Variants in DISP2 observed in about 807,000 individuals in gnomAD.
DISP2 encodes dispatched RND transporter family member 2, also known as protein dispatched homolog 2.
A neutral mutation model predicts 95.5 loss-of-function variants in DISP2; 59 were observed. The observed-to-expected ratio is 0.62, with a 90% CI of 0.50 to 0.77. The LOEUF (loss-of-function observed/expected upper bound fraction) is 0.77, where lower values mean the gene tolerates loss of function less well. Among genes scored for constraint, DISP2 ranks in the 30% least tolerant of loss-of-function variants. DISP2 has a pLI of 0.00. For synonymous variants in DISP2, 827 were observed against 815.0 expected (o/e 1.01, Z -0.25); for missense variants, 1,752 against 1,854.6 (o/e 0.94, Z 1.02).
rs1566918885 is a variant in DISP2, at chr15:40,372,591, T to G, written c.*2273T>G. 1 of 152,226 alleles carries G rather than the reference T, an allele frequency of 6.6e-6. No individual in the cohort carries two copies. The highest frequency in any genetic ancestry group is 1.9e-4 in the East Asian group (1 of 5,198). The allele number at this position is 152,226 out of a possible 1,614,324, so 9.4% of individuals were successfully genotyped here. A position where few individuals can be genotyped will look rare whatever the true frequency, so the allele number is the denominator to read the frequency against. On this transcript the variant is annotated 3_prime_UTR_variant, in exon 8 of 8. Coordinates refer to ENST00000267889, the MANE Select transcript of DISP2 (RefSeq NM_033510.3). ...AATTTGAACCTGTCCCCAGGGGGTC[T>G]GCTGGGACCTCTCTCTTCATGTCCA... is the stretch of plus-strand genomic sequence containing the variant.
Position 40,373,659 on chromosome 15 carries a change from G to A in DISP2, c.*3341G>A, listed in dbSNP as rs58640104. On this transcript the variant is annotated 3_prime_UTR_variant, in exon 8 of 8. Transcript: ENST00000267889. ...GCAGAGGTTGAAGTGAGCCGAGATC[G>A]TGCCACTGCACTCCAGCCTGGATGA... The A allele has an allele frequency of 0.12, 17,530 of 151,810 alleles. 1,981 individuals carry two copies. The highest frequency in any genetic ancestry group is 0.56 in the East Asian group (2,877 of 5,148). 9.4% of individuals were successfully genotyped at this position (151,810 alleles called of 1,614,324 possible).
chr15:40,358,429 C>T lies in DISP2; in HGVS notation c.108C>T (p.Gly36=). 1 of 1,321,394 alleles carries T rather than the reference C, an allele frequency of 7.6e-7. No individual in the cohort carries two copies. The highest frequency in any genetic ancestry group is 9.7e-7 in the Non-Finnish European group (1 of 1,035,546). The allele number at this position is 1,321,394 out of a possible 1,614,324, so 81.9% of individuals were successfully genotyped here. A position where few individuals can be genotyped will look rare whatever the true frequency, so the allele number is the denominator to read the frequency against. The change falls in exon 1 of 8, where the codon GGC becomes GGT. Residue 36 remains glycine (G), a synonymous_variant. Transcript: ENST00000267889. ...GGGAGCCCTTGGCCCCAGACGGCGG[C>T]TCCCCGGACAGGTAGGGCGGACAGC... ...PEGEPLAPDG[G]SPDSTQTKAV...
chr15:40,364,216 T>C lies in DISP2; in HGVS notation c.450-10T>C. ...TCTGGCAAGCAAGCATCTTTTCTTC[T>C]CTTCCACAGGCAGGAACGAGCCTTC... is the stretch of plus-strand genomic sequence containing the variant. On this transcript the variant is annotated splice_polypyrimidine_tract_variant and intron_variant, in intron 2 of 7. Coordinates refer to ENST00000267889, the MANE Select transcript of DISP2 (RefSeq NM_033510.3). The C allele has an allele frequency of 2.5e-6, 4 of 1,613,972 alleles. No individual in the cohort carries two copies. The highest frequency in any genetic ancestry group is 3.4e-6 in the Non-Finnish European group (4 of 1,180,006).
At position 40,367,898 on chromosome 15, in the gene DISP2, T is replaced by C. The variant is rs1391969391; in HGVS notation, c.1786T>C (p.Ser596Pro). ...CCACTTCGGCTACCTGCTGCTGGTCTCCGGCCTCACCACGAGCGCGGCCTT... is the reference window on the plus strand; with the variant it reads ...CCACTTCGGCTACCTGCTGCTGGTCCCCGGCCTCACCACGAGCGCGGCCTT... ...MHHFGYLLLV[S>P]GLTTSAAFYA... Residue 596 changes from serine (S) to proline (P), a missense_variant, in exon 8 of 8, where the codon TCC (serine) becomes CCC (proline). Around this residue, in one of 5 missense-constraint regions of DISP2, gnomAD observed 732 missense variants for 714.6 expected, o/e 1.02. Transcript: ENST00000267889. 1.3e-6 allele frequency: 2 copies of C among 1,598,288 alleles called. No individual in the cohort carries two copies. Among genetic ancestry groups the C allele is most frequent in the Non-Finnish European group, 1.7e-6 (2 of 1,179,356 alleles).
Position 40,368,690 on chromosome 15 carries a change from G to A in DISP2, c.2578G>A (p.Gly860Ser), listed in dbSNP as rs779995639. The A allele has an allele frequency of 9.9e-6, 16 of 1,612,450 alleles. No individual in the cohort carries two copies. In the East Asian group the frequency reaches 2.5e-4, roughly 25 times the overall value. ...CCGCCTGGGGCCTGACCTCTGCTGCGGCCACTCGGACTTCCCCTGGGCCCC... is the reference window on the plus strand; with the variant it reads ...CCGCCTGGGGCCTGACCTCTGCTGCAGCCACTCGGACTTCCCCTGGGCCCC... ...CARLGPDLCC[G>S]HSDFPWAPQF... The change falls in exon 8 of 8, where the codon GGC becomes AGC. Residue 860 changes from glycine to serine, a missense_variant. Physicochemically the swap from Gly to Ser is moderately conservative, Grantham distance 56 (BLOSUM62 0). Around this residue, in one of 5 missense-constraint regions of DISP2, gnomAD observed 317 missense variants for 394.9 expected, o/e 0.80. Coordinates refer to ENST00000267889, the MANE Select transcript of DISP2 (RefSeq NM_033510.3).
At chr15:40,358,786 G>A (rs1201539087) in intron 1 of DISP2, among the ~76,000 whole-genome samples, 2 of 152,166 alleles carry the variant, frequency 1.3e-5, no homozygotes, top group African/African-American at 2.4e-5. Context: ...CCCCAAGCCC[G>A]CAGTAACCTC....
At position 40,370,760 on chromosome 15, in the gene DISP2, C is replaced by T. The variant is rs1889631003; in HGVS notation, c.*442C>T. 1 of 426,032 alleles carries T rather than the reference C, an allele frequency of 2.3e-6. No individual in the cohort carries two copies. Among genetic ancestry groups the T allele is most frequent in the African/African-American group, 2.0e-5 (1 of 49,226 alleles). 26.4% of individuals were successfully genotyped at this position (426,032 alleles called of 1,614,324 possible). On this transcript the variant is annotated 3_prime_UTR_variant, in exon 8 of 8. Transcript: ENST00000267889. Reference sequence around the variant, plus strand: ...AGGAGCCCGCAGCAATCTCCACAGCCTCCTGGGTCTCACCCCTTTCATGGG... The same window carrying T: ...AGGAGCCCGCAGCAATCTCCACAGCTTCCTGGGTCTCACCCCTTTCATGGG...
chr15:40,359,695 T>C (rs1198893863), intron 1 of DISP2, among the ~76,000 whole-genome samples: 1 of 152,246 alleles, frequency 6.6e-6, no homozygotes, highest in African/African-American at 2.4e-5. Context: ...AGAAACTCCC[T>C]GGGGCCTCTG....
Position 40,364,810 on chromosome 15 carries a change from C to T in DISP2, c.604-28C>T, listed in dbSNP as rs200160916. 3.6e-5 allele frequency: 58 copies of T among 1,605,422 alleles called. No homozygotes were observed. In the Admixed American group the frequency reaches 9.8e-4, roughly 27 times the overall value. On this transcript the variant is annotated intron_variant, in intron 4 of 7. Coordinates refer to ENST00000267889, the MANE Select transcript of DISP2 (RefSeq NM_033510.3). ...AATGGAGAACTCCTACCCTGCCCAC[C>T]TGTTCTTCTCCACCCTCCTCCCTGC...
At chr15:40,365,108 C>A in intron 5 of DISP2, 39 bp from the exon 6 acceptor site, 4 of 1,606,426 alleles carry the variant, frequency 2.5e-6, no homozygotes, top group Non-Finnish European at 3.4e-6. Context: ...AGTCTTCCAA[C>A]CCTAATGGTG....
At chr15:40,364,169 C>G in intron 2 of DISP2, 57 bp from the exon 3 acceptor site, 1 of 1,607,608 alleles carries the variant, frequency 6.2e-7, no homozygotes, top group Non-Finnish European at 8.5e-7. Flanking sequence ...CCACCCCCAA[C>G]ACACGCCCTC....
Position 40,358,233 on chromosome 15 carries a change from CCCGCCGCCGCTGCCGCCGCCACCGCCG to C in DISP2, c.-78_-52del, listed in dbSNP as rs1438627330. On this transcript the variant is annotated 5_prime_UTR_variant, in exon 1 of 8. Transcript: ENST00000267889. Reference sequence around the variant, plus strand: ...AGAGCCTACGCATGCGCACGAGCACCCCGCCGCCGCTGCCGCCGCCACCGCCGCCGCCGCCGCCGCCGCCGCGGCTTC... The same window carrying C: ...AGAGCCTACGCATGCGCACGAGCACCCCGCCGCCGCCGCCGCCGCGGCTTC... 1.1e-4 allele frequency: 94 copies of C among 879,662 alleles called. 1 individual carries two copies. The highest frequency in any genetic ancestry group is 4.5e-4 in the Middle Eastern group (1 of 2,208). The allele number at this position is 879,662 out of a possible 1,614,324, so 54.5% of individuals were successfully genotyped here.
chr15:40,364,885 G>T lies in DISP2; in HGVS notation c.651G>T (p.Trp217Cys). 1 of 1,614,132 alleles carries T rather than the reference G, an allele frequency of 6.2e-7. No homozygotes were observed. The highest frequency in any genetic ancestry group is 1.1e-5 in the South Asian group (1 of 91,082). Residue 217 changes from tryptophan (W) to cysteine (C), a missense_variant, in exon 5 of 8, where the codon TGG becomes TGT. By Grantham distance (215) the Trp-to-Cys change is radical. This residue lies in a region of DISP2 where 342 missense variants were observed against 364.3 expected (regional missense o/e 0.94). Transcript: ENST00000267889. ...DTDIGSKLVV[W>C]RALQALTGPR... ...ACATTGGGAGCAAGTTAGTGGTCTGGAGAGCACTACAAGCCCTCACAGGCC... is the reference window on the plus strand; with the variant it reads ...ACATTGGGAGCAAGTTAGTGGTCTGTAGAGCACTACAAGCCCTCACAGGCC...
At position 40,367,192 on chromosome 15, in the gene DISP2, C is replaced by A; in HGVS notation, c.1080C>A (p.Asp360Glu). 1 of 1,614,022 alleles carries A rather than the reference C, an allele frequency of 6.2e-7. No individual in the cohort carries two copies. Among genetic ancestry groups the A allele is most frequent in the Non-Finnish European group, 8.5e-7 (1 of 1,180,004 alleles). ...CCTGCCTGGACACTACCCAAGCTGA[C>A]GCAGCCCGCACACTGGCCCTGCTTC... ...RSSCLDTTQADAARTLALLRT... is the reference protein window; with the variant it reads ...RSSCLDTTQAEAARTLALLRT... The change falls in exon 8 of 8, where the codon GAC (aspartate) becomes GAA (glutamate). Residue 360 changes from aspartate to glutamate, a missense_variant. Transcript: ENST00000267889.
chr15:40,368,550 T>C lies in DISP2; in HGVS notation c.2438T>C (p.Leu813Pro), dbSNP rs1378109120. 3.1e-6 allele frequency: 5 copies of C among 1,604,354 alleles called. No individual in the cohort carries two copies. The highest frequency in any genetic ancestry group is 4.2e-6 in the Non-Finnish European group (5 of 1,179,920). ...GGCCCTGAGGCCCAGCGCTGGCTGC[T>C]GGCACTCTGTCACCGGGCCCGGAAT... The part of the protein sequence containing the change: ...ASGPEAQRWL[L>P]ALCHRARNQS... The change falls in exon 8 of 8, where the codon CTG becomes CCG. Residue 813 changes from leucine to proline, a missense_variant. Transcript: ENST00000267889.
chr15:40,368,826 T>C lies in DISP2; in HGVS notation c.2714T>C (p.Leu905Pro). The change falls in exon 8 of 8, where the codon CTA becomes CCA. Residue 905 changes from leucine to proline, a missense_variant. Transcript: ENST00000267889. The part of the protein sequence containing the change: ...DAHGSLAALV[L>P]QFQTNFRNSP... ...CATGGCAGCCTGGCCGCCCTGGTCC[T>C]ACAATTCCAGACCAACTTCCGGAAC... 6.2e-7 allele frequency: 1 copy of C among 1,613,980 alleles called. No homozygotes were observed. The highest frequency in any genetic ancestry group is 8.5e-7 in the Non-Finnish European group (1 of 1,180,030).
rs1422193872 is a variant in DISP2 at position 40,372,445 on chromosome 15, A to T, written c.*2127A>T. The T allele has an allele frequency of 2.0e-5, 3 of 152,244 alleles. No individual in the cohort carries two copies. The highest frequency in any genetic ancestry group is 2.0e-4 in the Admixed American group (3 of 15,286). 9.4% of individuals were successfully genotyped at this position (152,244 alleles called of 1,614,324 possible). Reference sequence around the variant, plus strand: ...AGTGGAGCAGAAACCGAAAAGAGACATGGGAGTTGTGGAAGAGACAGAAGG... The same window carrying T: ...AGTGGAGCAGAAACCGAAAAGAGACTTGGGAGTTGTGGAAGAGACAGAAGG... On this transcript the variant is annotated 3_prime_UTR_variant, in exon 8 of 8. Coordinates refer to ENST00000267889, the MANE Select transcript of DISP2 (RefSeq NM_033510.3).
Position 40,370,016 on chromosome 15 carries a change from A to G in DISP2, c.3904A>G (p.Thr1302Ala). 1.2e-6 allele frequency: 2 copies of G among 1,613,954 alleles called. No homozygotes were observed. The highest frequency in any genetic ancestry group is 1.7e-6 in the Non-Finnish European group (2 of 1,179,996). The change falls in exon 8 of 8, where the codon ACC (threonine) becomes GCC (alanine). Residue 1302 changes from threonine (T) to alanine (A), a missense_variant. Transcript: ENST00000267889. The part of the protein sequence containing the change: ...LSVSDETCLS[T>A]SEPSARVPDS... ...CGTCTCTGATGAGACCTGCCTAAGC[A>G]CCTCTGAGCCCAGTGCCCGTGTACC...
chr15:40,368,306 C>T lies in DISP2; in HGVS notation c.2194C>T (p.Leu732=). Reference sequence around the variant, plus strand: ...CAGCCCCCGCCTGCGGCTGCCCACGCTGCCGCCGCCCGGCGGCCAGGTCTT... The same window carrying T: ...CAGCCCCCGCCTGCGGCTGCCCACGTTGCCGCCGCCCGGCGGCCAGGTCTT... ...GVSPRLRLPT[L]PPPGGQVFRP... The change falls in exon 8 of 8, where the codon CTG becomes TTG. Residue 732 remains leucine (L), a synonymous_variant. Transcript: ENST00000267889. The T allele has an allele frequency of 6.2e-7, 1 of 1,604,838 alleles. No individual in the cohort carries two copies. Among genetic ancestry groups the T allele is most frequent in the Non-Finnish European group, 8.5e-7 (1 of 1,176,984 alleles).
Sources: allele counts gnomAD v4.1 joint callset (sites outside exome capture counted in the v4.1 genomes callset), GRCh38; gene constraint gnomAD v4.1.1; regional missense constraint gnomAD v4.1.1; transcripts MANE v1.5; gene names NCBI Gene and HGNC (gene_info 2026-07-23, HGNC 2026-07-21).